UNC5C: variants seen among roughly 807,000 people sequenced by gnomAD.
UNC5C encodes unc-5 netrin receptor C.
UNC5C carries 47 observed loss-of-function variants against 99.8 expected under a neutral mutation model. That is an observed-to-expected ratio of 0.47 (90% CI 0.37 to 0.60). The LOEUF is 0.60. Ranked by LOEUF, UNC5C falls within the 20% of genes least tolerant of loss-of-function variation. The probability of loss-of-function intolerance (pLI) is 0.00; values close to 1 mark genes in which losing one functional copy is unlikely to be tolerated. For missense variants in UNC5C, 1,062 were observed against 1,165.9 expected, an observed-to-expected ratio of 0.91 and a Z score of 1.30; for synonymous variants, 487 against 452.2, an observed-to-expected ratio of 1.08 and a Z score of -0.98.
chr4:95,419,176 TC>T (rs1746251513), intron 1 of UNC5C, among the ~76,000 whole-genome samples: 2 of 152,284 alleles, frequency 1.3e-5, no homozygotes, highest in Middle Eastern at 3.4e-3. Context: ...AGAAAGATTA[TC>T]CCCAGGTGGT....
chr4:95,543,780 G>C (rs6532564), intron 1 of UNC5C, among the ~76,000 whole-genome samples: 126,325 of 152,116 alleles, frequency 0.83, 52,540 homozygotes, highest in Middle Eastern at 0.91. Context: ...ACTTAACTGG[G>C]AGTGACTTAA....
intron 12 of UNC5C, among the ~76,000 whole-genome samples, chr4:95,187,174 A>AT (rs1736864962): frequency 1.3e-5 from 2 of 152,208 alleles, no homozygotes; most frequent in Non-Finnish European, 2.9e-5. Context: ...CACCTGACAA[A>AT]TTCTAAAGCT....
chr4:95,256,699 A>AATAAATAT (rs1553958328), intron 4 of UNC5C, among the ~76,000 whole-genome samples: 2 of 90,664 alleles, frequency 2.2e-5, no homozygotes, highest in African/African-American at 7.2e-5. Flanking sequence ...GAACTAAATA[A>AATAAATAT]ATATATATAT....
chr4:95,529,285 T>C (rs1722577212), intron 1 of UNC5C, among the ~76,000 whole-genome samples: 1 of 148,308 alleles, frequency 6.7e-6, no homozygotes, highest in African/African-American at 2.4e-5. Context: ...TGTATTTATA[T>C]GTATATATGT....
chr4:95,462,180 C>A (rs561044400), intron 1 of UNC5C, among the ~76,000 whole-genome samples: 10 of 152,184 alleles, frequency 6.6e-5, no homozygotes, highest in African/African-American at 2.4e-4. Context: ...ACTTTCCCCC[C>A]CTTTCTCTTT....
chr4:95,237,329 G>T (rs1739156465), intron 7 of UNC5C, among the ~76,000 whole-genome samples: 1 of 152,054 alleles, frequency 6.6e-6, no homozygotes, highest in African/African-American at 2.4e-5. Context: ...GACTTATATT[G>T]TCAAATTGCT....
chr4:95,189,894 A>C (rs1056390566), intron 12 of UNC5C, among the ~76,000 whole-genome samples: 13 of 152,166 alleles, frequency 8.5e-5, no homozygotes, highest in Non-Finnish European at 4.4e-5. Flanking sequence ...CTGTTGGTGG[A>C]ACTGTAAACT....
At chr4:95,332,626 A>G (rs1743162201) in intron 2 of UNC5C, among the ~76,000 whole-genome samples, 2 of 151,446 alleles carry the variant, frequency 1.3e-5, no homozygotes, top group South Asian at 4.2e-4. Flanking sequence ...CCCTAGAAGA[A>G]AACCTAGGCA....
intron 1 of UNC5C, among the ~76,000 whole-genome samples, chr4:95,529,950 A>T (rs922638837): frequency 7.9e-5 from 12 of 152,336 alleles, no homozygotes; most frequent in Non-Finnish European, 1.0e-4. Context: ...AGTTTAGGTA[A>T]TTCTTGAATC....
At chr4:95,351,389 A>G (rs1430575414) in intron 1 of UNC5C, among the ~76,000 whole-genome samples, 1 of 151,796 alleles carries the variant, frequency 6.6e-6, no homozygotes, top group Admixed American at 6.6e-5. Flanking sequence ...GATAAGACAG[A>G]AGTTTATAGG....
chr4:95,359,359 T>C (rs1744311491), intron 1 of UNC5C, among the ~76,000 whole-genome samples: 1 of 152,144 alleles, frequency 6.6e-6, no homozygotes, highest in African/African-American at 2.4e-5. Flanking sequence ...GTAACTTCTT[T>C]TGTTGGCCAA....
At chr4:95,534,988 C>T (rs1338195499) in intron 1 of UNC5C, among the ~76,000 whole-genome samples, 2 of 152,092 alleles carry the variant, frequency 1.3e-5, no homozygotes, top group African/African-American at 2.4e-5. Flanking sequence ...AAAAAGTTTG[C>T]TAACTATTCT....
intron 1 of UNC5C, among the ~76,000 whole-genome samples, chr4:95,356,017 C>A (rs1744171107): frequency 2.0e-5 from 3 of 151,626 alleles, no homozygotes; most frequent in Non-Finnish European, 4.4e-5. Context: ...TAGAGAGACC[C>A]TGTATCTACA....
intron 1 of UNC5C, among the ~76,000 whole-genome samples, chr4:95,517,686 G>T (rs1334607176): frequency 6.6e-6 from 1 of 152,110 alleles, no homozygotes; most frequent in Non-Finnish European, 1.5e-5. Flanking sequence ...TGGAATGGAG[G>T]CACAGTACCA....
At chr4:95,308,857 C>T (rs1742161311) in intron 2 of UNC5C, among the ~76,000 whole-genome samples, 1 of 149,418 alleles carries the variant, frequency 6.7e-6, no homozygotes, top group Non-Finnish European at 1.5e-5. Flanking sequence ...GTTCATATTA[C>T]CCAAAGTGGT....
At chr4:95,491,844 A>G (rs1437487677) in intron 1 of UNC5C, among the ~76,000 whole-genome samples, 6 of 151,600 alleles carry the variant, frequency 4.0e-5, no homozygotes, top group Non-Finnish European at 8.9e-5. Context: ...AGAAAATTCC[A>G]TTTAAATATC....
chr4:95,542,742 GAT>G (rs1342168143), intron 1 of UNC5C, among the ~76,000 whole-genome samples: 1 of 151,910 alleles, frequency 6.6e-6, no homozygotes. Flanking sequence ...TCTGCAACAT[GAT>G]ATATGTTTTG....
intron 3 of UNC5C, among the ~76,000 whole-genome samples, chr4:95,288,904 A>C (rs979714197): frequency 1.2e-5 from 1 of 83,286 alleles, no homozygotes; most frequent in African/African-American, 8.1e-5. Context: ...CTTTTTCCAC[A>C]TAAGGTTAAT....
intron 14 of UNC5C, among the ~76,000 whole-genome samples, chr4:95,171,903 G>C (rs1398435668): frequency 6.6e-6 from 1 of 151,834 alleles, no homozygotes; most frequent in Non-Finnish European, 1.5e-5. Context: ...AGCACCTGTC[G>C]TTTCCTGACT....
Sources: allele counts gnomAD v4.1 joint callset (sites outside exome capture counted in the v4.1 genomes callset), GRCh38; gene constraint gnomAD v4.1.1; transcripts MANE v1.5; gene names NCBI Gene and HGNC (gene_info 2026-07-23, HGNC 2026-07-21).